Variants in GRID2 observed in about 807,000 individuals in gnomAD.
GRID2 encodes the protein glutamate receptor ionotropic, delta-2.
Under a neutral mutation model 114.8 loss-of-function variants are expected in GRID2, and 33 were observed. The ratio of observed to expected loss-of-function variants is 0.29; its 90% CI spans 0.22 to 0.38. The LOEUF (loss-of-function observed/expected upper bound fraction) is 0.38, where lower values mean the gene tolerates loss of function less well. Ranked by LOEUF, GRID2 falls within the 10% of genes least tolerant of loss-of-function variation. The probability of loss-of-function intolerance (pLI) is 1.00; values close to 1 mark genes in which losing one functional copy is unlikely to be tolerated. For missense variants in GRID2, 1,184 were observed against 1,257.7 expected (o/e 0.94, Z 0.89); for synonymous variants, 505 against 449.9 (o/e 1.12, Z -1.55).
At chr4:92,539,311 G>A (rs1262088866) in intron 1 of GRID2, among the ~76,000 whole-genome samples, 1 of 152,086 alleles carries the variant, frequency 6.6e-6, no homozygotes, top group Non-Finnish European at 1.5e-5. Flanking sequence ...TGTTGTGTCT[G>A]TAAATTTATT....
At chr4:93,625,380 G>T (rs1742609620) in intron 13 of GRID2, among the ~76,000 whole-genome samples, 1 of 152,140 alleles carries the variant, frequency 6.6e-6, no homozygotes, top group Admixed American at 6.5e-5. Context: ...CCACTCAGGG[G>T]TCATTTTACT....
chr4:92,924,168 AT>A (rs1338092914), intron 2 of GRID2, among the ~76,000 whole-genome samples: 2 of 152,108 alleles, frequency 1.3e-5, no homozygotes, highest in Non-Finnish European at 2.9e-5. Flanking sequence ...CAAACACCAC[AT>A]GTTCTCACTC....
intron 1 of GRID2, among the ~76,000 whole-genome samples, chr4:92,306,348 C>T (rs933189068): frequency 1.6e-4 from 24 of 152,242 alleles, no homozygotes; most frequent in African/African-American, 5.1e-4. Context: ...TGGGGGCTAA[C>T]AGTGCCTACA....
chr4:92,679,917 G>GAAA (rs35215896), intron 2 of GRID2, among the ~76,000 whole-genome samples: 23 of 147,128 alleles, frequency 1.6e-4, no homozygotes, highest in African/African-American at 5.2e-4. Context: ...TAAATTGACT[G>GAAA]AAAAAAAAAA....
intron 2 of GRID2, among the ~76,000 whole-genome samples, chr4:92,800,527 G>T (rs1304163960): frequency 6.6e-6 from 1 of 151,844 alleles, no homozygotes; most frequent in African/African-American, 2.4e-5. Flanking sequence ...TGAAGGAGAG[G>T]TAACCACAGT....
At chr4:92,436,269 T>G (rs1204310935) in intron 1 of GRID2, among the ~76,000 whole-genome samples, 1 of 152,122 alleles carries the variant, frequency 6.6e-6, no homozygotes, top group Non-Finnish European at 1.5e-5. Context: ...TTTAACTAGG[T>G]AAATATGAAA....
In GRID2 at chr4:92,621,895, A is replaced by T. The variant is rs12331615; in HGVS notation, c.244+31609A>T. On this transcript the variant is annotated intron_variant, in intron 2 of 15. Coordinates refer to ENST00000282020, the MANE Select transcript of GRID2 (RefSeq NM_001510.4). ...CATGAAACACACAGAAATTTTCTGA[A>T]GAAAGAGAAAAAATTCGAAGAGAGA... 7.2e-4 allele frequency among the ~76,000 whole-genome samples: 109 copies of T among 152,004 alleles called. No homozygotes were observed. In the Middle Eastern group the frequency reaches 0.01, roughly 14 times the overall value.
intron 2 of GRID2, among the ~76,000 whole-genome samples, chr4:92,815,761 A>G (rs1217043264): frequency 1.3e-5 from 2 of 151,500 alleles, no homozygotes; most frequent in African/African-American, 4.9e-5. Flanking sequence ...AAATAAATAA[A>G]TAAATAAAAA....
intron 2 of GRID2, among the ~76,000 whole-genome samples, chr4:92,943,803 G>A (rs1057059297): frequency 2.0e-5 from 3 of 152,160 alleles, no homozygotes; most frequent in Admixed American, 6.5e-5. Flanking sequence ...TAACAGTCAG[G>A]ACCCTCAGCT....
intron 14 of GRID2, among the ~76,000 whole-genome samples, chr4:93,745,840 G>C (rs920090308): frequency 2.0e-5 from 3 of 151,958 alleles, no homozygotes; most frequent in Non-Finnish European, 4.4e-5. Flanking sequence ...TTGTTTGTTT[G>C]TTTTATTTTG....
At chr4:92,730,244 G>C (rs1369093214) in intron 2 of GRID2, among the ~76,000 whole-genome samples, 1 of 151,658 alleles carries the variant, frequency 6.6e-6, no homozygotes, top group Non-Finnish European at 1.5e-5. Flanking sequence ...TTGATTATAA[G>C]CATAAACCAC....
At chr4:93,774,755 C>A (rs923356581), downstream of GRID2, among the ~76,000 whole-genome samples, 4 of 151,854 alleles carry the variant, frequency 2.6e-5, no homozygotes, top group Admixed American at 2.0e-4. Flanking sequence ...TGAGAGACTG[C>A]CTTTCTGCTA....
intron 2 of GRID2, among the ~76,000 whole-genome samples, chr4:92,617,860 GTGTTGTTGT>G (rs199877203): frequency 6.6e-6 from 1 of 151,336 alleles, no homozygotes; most frequent in Non-Finnish European, 1.5e-5. Flanking sequence ...AGACGATTTT[GTGTTGTTGT>G]TGTTGTTGTT....
chr4:93,206,219 C>G (rs563616487), intron 4 of GRID2, among the ~76,000 whole-genome samples: 1 of 152,022 alleles, frequency 6.6e-6, no homozygotes, highest in East Asian at 1.9e-4. Flanking sequence ...GAAACTTGTA[C>G]CAAGTGTTAA....
At chr4:93,684,159 G>A in intron 14 of GRID2, among the ~76,000 whole-genome samples, 1 of 152,052 alleles carries the variant, frequency 6.6e-6, no homozygotes, top group Admixed American at 6.6e-5. Context: ...TAGCATATTA[G>A]ATTATTGTTT....
At chr4:92,463,449 A>G (rs1286389328) in intron 1 of GRID2, among the ~76,000 whole-genome samples, 1 of 152,040 alleles carries the variant, frequency 6.6e-6, no homozygotes, top group Non-Finnish European at 1.5e-5. Flanking sequence ...GCTTTTCATC[A>G]TTCAGACAAC....
At chr4:92,701,135 G>A (rs56405668) in intron 2 of GRID2, among the ~76,000 whole-genome samples, 11,486 of 151,982 alleles carry the variant, frequency 0.076, 466 homozygotes, top group East Asian at 0.089. Context: ...CTTCCTTATC[G>A]TAGACTTTCT....
At chr4:93,741,924 CAA>C (rs34316739) in intron 14 of GRID2, among the ~76,000 whole-genome samples, 22 of 106,414 alleles carry the variant, frequency 2.1e-4, no homozygotes, top group Admixed American at 3.8e-4. Flanking sequence ...GACTCTGTCT[CAA>C]AAAAAAAAAA....
At chr4:92,730,054 G>C (rs866160583) in intron 2 of GRID2, among the ~76,000 whole-genome samples, 3 of 152,016 alleles carry the variant, frequency 2.0e-5, no homozygotes, top group Middle Eastern at 3.4e-3. Context: ...CTTAGCTCTT[G>C]TATTAGTTGC....
Sources: allele counts gnomAD v4.1 joint callset (sites outside exome capture counted in the v4.1 genomes callset), GRCh38; gene constraint gnomAD v4.1.1; transcripts MANE v1.5; gene names NCBI Gene and HGNC (gene_info 2026-07-23, HGNC 2026-07-21).